Variants in TSNARE1 observed in about 807,000 individuals in gnomAD.
TSNARE1 encodes the protein t-SNARE domain-containing protein 1.
TSNARE1 carries 49 observed loss-of-function variants against 62.0 expected under a neutral mutation model. The observed-to-expected ratio is 0.79, with a 90% confidence interval of 0.63 to 1.00. The LOEUF (loss-of-function observed/expected upper bound fraction) is 1.00, where lower values mean the gene tolerates loss of function less well. Ranked by LOEUF, TSNARE1 falls within the 50% of genes least tolerant of loss-of-function variation. The probability of loss-of-function intolerance (pLI) is 0.00; values close to 1 mark genes in which losing one functional copy is unlikely to be tolerated. For missense variants in TSNARE1, 755 were observed against 700.1 expected (o/e 1.08, Z -0.88); for synonymous variants, 328 against 294.4 (o/e 1.11, Z -1.17).
At chr8:142,225,488 C>A (rs901177277) in intron 13 of TSNARE1, among the ~76,000 whole-genome samples, 5 of 149,410 alleles carry the variant, frequency 3.3e-5, no homozygotes, top group African/African-American at 1.2e-4. Context: ...CTGTCCATTT[C>A]CATCTATCTC....
rs569560081 is a variant in TSNARE1, at chr8:142,274,895, G to A, written c.1364-32C>T. On this transcript the variant is annotated intron_variant, in intron 11 of 13. Coordinates refer to ENST00000524325, the MANE Select transcript of TSNARE1 (RefSeq NM_145003.5). The stretch of plus-strand genomic sequence containing the variant: ...ATCAAGACAACAGAAGGCAATTACA[G>A]ATGGAGGCCCAGCCGCCCCCGCCCT... 28 of 1,498,254 alleles carry A rather than the reference G, an allele frequency of 1.9e-5. No homozygotes were observed. The East Asian group carries it at 6.6e-4, about 35-fold the overall frequency. 92.8% of individuals were successfully genotyped at this position (1,498,254 alleles called of 1,614,324 possible).
At chr8:142,251,775 C>T (rs1254639925) in intron 12 of TSNARE1, among the ~76,000 whole-genome samples, 3 of 148,766 alleles carry the variant, frequency 2.0e-5, no homozygotes, top group South Asian at 2.2e-4. Flanking sequence ...ATGTACCCGC[C>T]GCCCACGTTC....
chr8:142,354,592 T>C lies in TSNARE1; in HGVS notation c.88+45A>G, dbSNP rs781023697. On this transcript the variant is annotated intron_variant, in intron 2 of 13. Transcript: ENST00000524325. ...ACAGTGAGGATCCTACCCTACCCAC[T>C]ACCATCCCCTCCTCCCCGCCCCCAC... is the stretch of plus-strand genomic sequence containing the variant. The C allele has an allele frequency of 8.6e-6, 12 of 1,392,488 alleles. No individual in the cohort carries two copies. In the East Asian group the frequency reaches 2.5e-4, roughly 29 times the overall value. 86.3% of individuals were successfully genotyped at this position (1,392,488 alleles called of 1,614,324 possible).
rs569256638 is a variant in TSNARE1 at position 142,355,123 on chromosome 8, C to T, written c.-39-360G>A. ...GTGGCTTCTGGGAGCGCTGGGCCCC[C>T]GCCATGCAGGCAGGGCAGCATCCAC... On this transcript the variant is annotated intron_variant, in intron 1 of 13. Coordinates refer to ENST00000524325, the MANE Select transcript of TSNARE1 (RefSeq NM_145003.5). Among the ~76,000 whole-genome samples the T allele has an allele frequency of 7.9e-5, 12 of 152,338 alleles. No homozygotes were observed. In the South Asian group the frequency reaches 8.3e-4, roughly 11 times the overall value.
chr8:142,214,580 C>T (rs899486932), intron 13 of TSNARE1, among the ~76,000 whole-genome samples: 2 of 152,204 alleles, frequency 1.3e-5, no homozygotes, highest in African/African-American at 4.8e-5. Flanking sequence ...TTTCCCTGCA[C>T]CCCACTCTCG....
intron 1 of TSNARE1, among the ~76,000 whole-genome samples, chr8:142,402,329 C>T (rs1013627915): frequency 1.3e-5 from 2 of 152,238 alleles, no homozygotes; most frequent in East Asian, 1.9e-4. Context: ...CCACCAGACA[C>T]GTGTGGCTAC....
chr8:142,265,134 G>GTGTGTGTGTGTA (rs1191082388), intron 12 of TSNARE1, among the ~76,000 whole-genome samples: 1 of 151,906 alleles, frequency 6.6e-6, no homozygotes, highest in Non-Finnish European at 1.5e-5. Flanking sequence ...TTGTGTGTGT[G>GTGTGTGTGTGTA]TGTAGTTCTA....
At chr8:142,378,848 C>T (rs915676990) in intron 1 of TSNARE1, among the ~76,000 whole-genome samples, 3 of 152,170 alleles carry the variant, frequency 2.0e-5, no homozygotes, top group Non-Finnish European at 4.4e-5. Flanking sequence ...AACAGCCCAC[C>T]GCAGGCCCAG....
chr8:142,351,672 T>C (rs1452046036), intron 2 of TSNARE1, among the ~76,000 whole-genome samples: 1 of 151,898 alleles, frequency 6.6e-6, no homozygotes, highest in Non-Finnish European at 1.5e-5. Context: ...TGTAGAAAAA[T>C]AAGAAGGGCA....
upstream of TSNARE1, chr8:142,404,278 GA>G (rs905970894): frequency 1.3e-5 from 2 of 151,802 alleles, no homozygotes; most frequent in African/African-American, 4.8e-5. Context: ...CGGGTTCTGT[GA>G]ACACGAACAC....
At chr8:142,389,503 G>A (rs1587126564) in intron 1 of TSNARE1, among the ~76,000 whole-genome samples, 1 of 152,310 alleles carries the variant, frequency 6.6e-6, no homozygotes, top group East Asian at 1.9e-4. Context: ...ACTTAAACAT[G>A]TGCAAAGCAG....
intron 2 of TSNARE1, among the ~76,000 whole-genome samples, chr8:142,349,916 G>A (rs1316967542): frequency 1.3e-5 from 2 of 151,152 alleles, no homozygotes; most frequent in African/African-American, 2.4e-5. Context: ...GGACCAAGCA[G>A]GCAGGGCTGG....
intron 5 of TSNARE1, 118 bp downstream of exon 5, chr8:142,331,636 G>A: frequency 2.0e-6 from 2 of 977,096 alleles, no homozygotes; most frequent in Non-Finnish European, 1.6e-6. Flanking sequence ...CGAAACCCGG[G>A]ACTGCACCGC....
chr8:142,220,741 C>T (rs972347732), intron 13 of TSNARE1, among the ~76,000 whole-genome samples: 3 of 152,220 alleles, frequency 2.0e-5, no homozygotes, highest in Non-Finnish European at 4.4e-5. Context: ...GACCCTCGCA[C>T]AGCGCCCCAG....
intron 12 of TSNARE1, among the ~76,000 whole-genome samples, chr8:142,240,584 A>C (rs1192663853): frequency 6.6e-6 from 1 of 152,244 alleles, no homozygotes. Context: ...ACAGAGATGG[A>C]AAGTTCTAGG....
At chr8:142,270,877 G>A (rs1819466698) in intron 12 of TSNARE1, 1 of 985,524 alleles carries the variant, frequency 1.0e-6, no homozygotes, top group East Asian at 1.1e-4. Flanking sequence ...GCCTTTCCCT[G>A]CAGGTCACCA....
At chr8:142,293,369 G>A (rs1373111600) in intron 10 of TSNARE1, among the ~76,000 whole-genome samples, 7 of 152,236 alleles carry the variant, frequency 4.6e-5, no homozygotes, top group African/African-American at 1.2e-4. Context: ...TGTGGGGCAC[G>A]TGGACAGCCA....
chr8:142,269,303 T>C (rs1172711608), intron 12 of TSNARE1, among the ~76,000 whole-genome samples: 1 of 152,162 alleles, frequency 6.6e-6, no homozygotes, highest in Non-Finnish European at 1.5e-5. Flanking sequence ...CAGGACATAG[T>C]GCAGGAGCAG....
intron 12 of TSNARE1, among the ~76,000 whole-genome samples, chr8:142,243,374 A>G (rs932757961): frequency 2.0e-5 from 3 of 152,218 alleles, no homozygotes; most frequent in African/African-American, 7.2e-5. Context: ...AAAGTCGGAT[A>G]AAGAAAGTGT....
Sources: gnomAD v4.1 joint callset for allele counts (sites outside exome capture counted in the v4.1 genomes callset) on GRCh38, gnomAD v4.1.1 for gene constraint, MANE v1.5 for transcripts, NCBI Gene and HGNC (gene_info 2026-07-23, HGNC 2026-07-21) for gene names.